The following AP3M1 variants were observed in gnomAD, a reference collection of about 807,000 sequenced individuals.
AP3M1 encodes AP-3 complex subunit mu-1.
Under a neutral mutation model 42.6 loss-of-function variants are expected in AP3M1, and 29 were observed. That is an observed-to-expected ratio of 0.68 (90% confidence interval 0.51 to 0.93). The LOEUF (loss-of-function observed/expected upper bound fraction) is 0.93, where lower values mean the gene tolerates loss of function less well. AP3M1 is among the 40% of genes least tolerant of loss of function. The pLI is 0.00. For synonymous variants in AP3M1, 178 were observed against 175.3 expected (o/e 1.02, Z -0.12); for missense variants, 416 against 510.2 (o/e 0.82, Z 1.78).
At chr10:74,140,792 GAA>G (rs1841122307) in intron 1 of AP3M1, among the ~76,000 whole-genome samples, 1 of 152,064 alleles carries the variant, frequency 6.6e-6, no homozygotes, top group Non-Finnish European at 1.5e-5. Flanking sequence ...GTTGGAGAGA[GAA>G]CAACCTTTTC....
At chr10:74,149,842 T>G (rs1157012354) in intron 1 of AP3M1, among the ~76,000 whole-genome samples, 1 of 152,162 alleles carries the variant, frequency 6.6e-6, no homozygotes, top group African/African-American at 2.4e-5. Flanking sequence ...CCACTCTCAA[T>G]AATCTTGCTT....
intron 2 of AP3M1, 31 bp from the exon 3 acceptor site, chr10:74,136,834 T>C: frequency 6.9e-7 from 1 of 1,440,158 alleles, no homozygotes; most frequent in Non-Finnish European, 9.3e-7. Flanking sequence ...TATCACACAA[T>C]GGAAGGCAAA....
At chr10:74,137,645 C>T (rs937642056) in intron 2 of AP3M1, among the ~76,000 whole-genome samples, 1 of 152,184 alleles carries the variant, frequency 6.6e-6, no homozygotes, top group Admixed American at 6.5e-5. Context: ...TCACAATTCT[C>T]AAGTCGCTGA....
intron 1 of AP3M1, among the ~76,000 whole-genome samples, chr10:74,148,997 C>T (rs1169702846): frequency 6.6e-6 from 1 of 151,816 alleles, no homozygotes. Context: ...CTCAACCTCC[C>T]GAGTAGCTGG....
At chr10:74,128,812 T>C (rs150777239) in intron 6 of AP3M1, 12 of 267,060 alleles carry the variant, frequency 4.5e-5, no homozygotes, top group South Asian at 2.7e-4. Context: ...AATTTGACCA[T>C]GCATAACCTT....
chr10:74,124,012 T>C, intron 8 of AP3M1, 102 bp from the exon 9 acceptor site: 2 of 1,005,694 alleles, frequency 2.0e-6, no homozygotes, highest in Non-Finnish European at 3.0e-6. Flanking sequence ...CCAGTGTCCC[T>C]TCCACCATTT....
In AP3M1 at chr10:74,144,405, C is replaced by G. The variant is rs141385067; in HGVS notation, c.-3-6023G>C. 6.7e-3 allele frequency among the ~76,000 whole-genome samples: 1,012 copies of G among 152,138 alleles called. 4 individuals carry two copies. The highest frequency in any genetic ancestry group is 0.011 in the Non-Finnish European group (719 of 68,014). On this transcript the variant is annotated intron_variant, in intron 1 of 8. Transcript: ENST00000355264. ...TCAGTCTCCTGAGTAGCTGGGCTTA[C>G]AGGCGTGCATCACCACACACAGCTG...
At chr10:74,149,242 G>A (rs1366536429) in intron 1 of AP3M1, among the ~76,000 whole-genome samples, 1 of 124,182 alleles carries the variant, frequency 8.1e-6, no homozygotes, top group African/African-American at 2.9e-5. Flanking sequence ...TTGTTGCAAA[G>A]AGAGCTTTCC....
chr10:74,138,515 C>A, intron 1 of AP3M1, 133 bp from the exon 2 acceptor site: 2 of 621,398 alleles, frequency 3.2e-6, no homozygotes, highest in Non-Finnish European at 2.5e-6. Flanking sequence ...AAAAATCAAT[C>A]AACATGATAT....
intron 1 of AP3M1, among the ~76,000 whole-genome samples, chr10:74,141,380 C>A (rs979731261): frequency 7.9e-5 from 12 of 152,088 alleles, no homozygotes; most frequent in Admixed American, 1.3e-4. Flanking sequence ...CAACTATGAT[C>A]CCACCACTGC....
Position 74,126,316 on chromosome 10 carries a change from G to T in AP3M1, c.843C>A (p.Ser281Arg). The change falls in exon 7 of 9, where the codon AGC becomes AGA. Residue 281 changes from serine to arginine, a missense_variant. Physicochemically the swap from Ser to Arg is moderately radical, Grantham distance 110 (BLOSUM62 -1). Transcript: ENST00000355264. Reference protein sequence around the residue: ...AIPVYVKHSISFKENSSCGRF... With the variant: ...AIPVYVKHSIRFKENSSCGRF... ...TGCCGCAAGAACTGTTCTCCTTAAA[G>T]CTGATACTATGTTTCACATACACTG... 1.2e-6 allele frequency: 2 copies of T among 1,614,150 alleles called. No homozygotes were observed. The highest frequency in any genetic ancestry group is 2.2e-5 in the South Asian group (2 of 91,076).
At position 74,129,969 on chromosome 10, in the gene AP3M1, G is replaced by A. The variant is rs1313629653; in HGVS notation, c.607C>T (p.Gln203Ter). 4 of 1,610,560 alleles carry A rather than the reference G, an allele frequency of 2.5e-6. No homozygotes were observed. Among genetic ancestry groups the A allele is most frequent in the Non-Finnish European group, 3.4e-6 (4 of 1,178,864 alleles). Residue 203 changes from glutamine to a stop codon, truncating the protein, a stop_gained, in exon 5 of 9, where the codon CAG becomes TAG. Transcript: ENST00000355264. LOFTEE classifies it high-confidence loss of function. ...KSGSTVFAEI[Q>*]GVIDACIKLS... is the part of the protein sequence containing the mutation. ...TTAATGCAAGCATCAATGACCCCCT[G>A]AATTTCTGCAAAGACTGTAGATCCT...
intron 2 of AP3M1, 34 bp downstream of exon 2, chr10:74,138,073 C>A: frequency 6.3e-7 from 1 of 1,588,532 alleles, no homozygotes; most frequent in South Asian, 1.1e-5. Flanking sequence ...TAACTTGGGT[C>A]ATTTAACTTA....
intron 1 of AP3M1, among the ~76,000 whole-genome samples, chr10:74,147,328 T>C (rs933310060): frequency 3.3e-5 from 5 of 152,094 alleles, no homozygotes; most frequent in African/African-American, 1.2e-4. Flanking sequence ...GATTTAAGAG[T>C]GTTTTTTAAA....
At chr10:74,125,672 C>A (rs1303055359) in intron 7 of AP3M1, among the ~76,000 whole-genome samples, 2 of 152,122 alleles carry the variant, frequency 1.3e-5, no homozygotes, top group African/African-American at 2.4e-5. Context: ...CCCTCTGTTA[C>A]ACAAAAATTT....
At position 74,149,267 on chromosome 10, in the gene AP3M1, G is replaced by GTTTTTTTTTT. The variant is rs57279906; in HGVS notation, c.-4+1478_-4+1487dup. 6.7e-5 allele frequency among the ~76,000 whole-genome samples: 4 copies of GTTTTTTTTTT among 60,060 alleles called. 2 individuals are homozygous for GTTTTTTTTTT. Among genetic ancestry groups the GTTTTTTTTTT allele is most frequent in the African/African-American group, 1.2e-4 (2 of 16,350 alleles). The allele number at this position is 60,060 out of a possible 152,430, so 39.4% of individuals were successfully genotyped here. A position where few individuals can be genotyped will look rare whatever the true frequency, so the allele number is the denominator to read the frequency against. ...GAGAGCTTTCCTAAAGATACGTAAG[G>GTTTTTTTTTT]TTTTTTTTTTTTTTTTTTTTTTTTT... On this transcript the variant is annotated intron_variant, in intron 1 of 8. Transcript: ENST00000355264.
chr10:74,142,439 G>T (rs1205990182), intron 1 of AP3M1, among the ~76,000 whole-genome samples: 2 of 152,180 alleles, frequency 1.3e-5, no homozygotes, highest in Non-Finnish European at 2.9e-5. Context: ...TAAAGAATAT[G>T]TGGTGATGAT....
In AP3M1 at chr10:74,121,183, CT is replaced by C. The variant is rs1840445002; in HGVS notation, c.*2626del. ...CTGAATTAGCAGTTTCTAAAACTGT[CT>C]TGTTTTTGCCATTTACCATATGTTC... On this transcript the variant is annotated 3_prime_UTR_variant, in exon 9 of 9. Coordinates refer to ENST00000355264, the MANE Select transcript of AP3M1 (RefSeq NM_012095.6). 1 of 152,160 alleles carries C rather than the reference CT, an allele frequency of 6.6e-6. No homozygotes were observed. Among genetic ancestry groups the C allele is most frequent in the Non-Finnish European group, 1.5e-5 (1 of 68,022 alleles). The allele number at this position is 152,160 out of a possible 1,614,324, so 9.4% of individuals were successfully genotyped here.
chr10:74,140,564 A>T (rs993110397), intron 1 of AP3M1, among the ~76,000 whole-genome samples: 1 of 152,180 alleles, frequency 6.6e-6, no homozygotes, highest in Non-Finnish European at 1.5e-5. Flanking sequence ...TGCTTACAAA[A>T]ATATGTAGAA....
Sources: allele counts gnomAD v4.1 joint callset (sites outside exome capture counted in the v4.1 genomes callset), GRCh38; gene constraint gnomAD v4.1.1; transcripts MANE v1.5; gene names NCBI Gene and HGNC (gene_info 2026-07-23, HGNC 2026-07-21).